The following FBXO31 variants were observed in gnomAD, a reference collection of about 807,000 sequenced individuals.
The protein encoded by FBXO31 is F-box protein 31, also known as F-box only protein 31.
Under a neutral mutation model 54.4 loss-of-function variants are expected in FBXO31, and 24 were observed. The observed-to-expected ratio is 0.44, with a 90% CI of 0.32 to 0.62. The LOEUF is 0.62. FBXO31 is among the 20% of genes least tolerant of loss of function. The pLI is 0.05. For synonymous variants in FBXO31, 388 were observed against 335.6 expected (o/e 1.16, Z -1.71); for missense variants, 665 against 787.1 (o/e 0.84, Z 1.86).
Position 87,336,119 on chromosome 16 carries a change from A to G in FBXO31, c.842+36T>C. 6.4e-7 allele frequency: 1 copy of G among 1,572,146 alleles called. No homozygotes were observed. Among genetic ancestry groups the G allele is most frequent in the Non-Finnish European group, 8.7e-7 (1 of 1,143,238 alleles). On this transcript the variant is annotated intron_variant, in intron 6 of 8. Transcript: ENST00000311635. This position sits in a 1 kb window ranked among gnomAD's most constrained non-coding sequence, Gnocchi z 6.5. Reference sequence around the variant, plus strand: ...GCTGGTCCCCAGCACACACCAGGAGAGGGCTACCCCAGCACCGAGCAGGAG... The same window carrying G: ...GCTGGTCCCCAGCACACACCAGGAGGGGGCTACCCCAGCACCGAGCAGGAG...
At chr16:87,355,419 C>T (rs1226316962) in intron 2 of FBXO31, among the ~76,000 whole-genome samples, 1 of 152,194 alleles carries the variant, frequency 6.6e-6, no homozygotes, top group Non-Finnish European at 1.5e-5. Flanking sequence ...ATACTGAAAA[C>T]CCACACATCA....
At chr16:87,387,810 GAAAA>G (rs966698190), upstream of FBXO31, among the ~76,000 whole-genome samples, 12 of 151,878 alleles carry the variant, frequency 7.9e-5, no homozygotes, top group African/African-American at 2.9e-4. Context: ...GCGACAGAGA[GAAAA>G]AAAAGAAAGA....
chr16:87,338,105 G>C lies in FBXO31; in HGVS notation c.733-1841C>G, dbSNP rs1348228046. Among the ~76,000 whole-genome samples the C allele has an allele frequency of 3.3e-5, 5 of 152,250 alleles. No individual in the cohort carries two copies. ...ACCATCAGGAAGATGAGCATGTGTAGCCATGACCTCGCTTTACATAAAGAG... is the reference window on the plus strand; with the variant it reads ...ACCATCAGGAAGATGAGCATGTGTACCCATGACCTCGCTTTACATAAAGAG... On this transcript the variant is annotated intron_variant, in intron 5 of 8. Coordinates refer to ENST00000311635, the MANE Select transcript of FBXO31 (RefSeq NM_024735.5). This position sits in a 1 kb window ranked among gnomAD's most constrained non-coding sequence, Gnocchi z 4.3.
chr16:87,365,028 T>TATATATATATAG (rs1906301962), intron 1 of FBXO31, among the ~76,000 whole-genome samples: 1 of 106,764 alleles, frequency 9.4e-6, no homozygotes, highest in South Asian at 3.3e-4. Flanking sequence ...TATATATATA[T>TATATATATATAG]ATATATATAT....
chr16:87,361,172 C>T (rs1160936681), intron 1 of FBXO31, among the ~76,000 whole-genome samples: 2 of 152,226 alleles, frequency 1.3e-5, no homozygotes, highest in Admixed American at 6.5e-5. Context: ...GAGCTTTCCA[C>T]GTGCTGTGTA....
chr16:87,374,769 T>C (rs550012795), intron 1 of FBXO31, among the ~76,000 whole-genome samples: 34 of 152,186 alleles, frequency 2.2e-4, no homozygotes, highest in Non-Finnish European at 3.7e-4. Flanking sequence ...AGTACGCGCC[T>C]GAGTCATTCC....
chr16:87,351,056 G>T (rs1399884163), intron 2 of FBXO31, among the ~76,000 whole-genome samples: 1 of 152,230 alleles, frequency 6.6e-6, no homozygotes, highest in African/African-American at 2.4e-5. Flanking sequence ...CATCCCAAGA[G>T]ATGAGTCAGA....
upstream of FBXO31, among the ~76,000 whole-genome samples, chr16:87,387,606 G>C (rs1907368012): frequency 6.6e-6 from 1 of 152,182 alleles, no homozygotes; most frequent in Non-Finnish European, 1.5e-5. Context: ...GTCAGATCGA[G>C]ACCATCCTGG....
At chr16:87,382,967 G>C (rs1002088642) in intron 1 of FBXO31, among the ~76,000 whole-genome samples, 5 of 152,112 alleles carry the variant, frequency 3.3e-5, no homozygotes, top group African/African-American at 1.2e-4. Context: ...CTCGTCTCTG[G>C]TCAGGGCCAG....
chr16:87,360,890 G>A (rs1398558195), intron 1 of FBXO31, among the ~76,000 whole-genome samples: 1 of 152,148 alleles, frequency 6.6e-6, no homozygotes, highest in African/African-American at 2.4e-5. Context: ...GGCTAGGCTT[G>A]GCCAGGGCCC....
At chr16:87,364,469 C>G (rs1329145659) in intron 1 of FBXO31, among the ~76,000 whole-genome samples, 2 of 152,220 alleles carry the variant, frequency 1.3e-5, no homozygotes, top group Non-Finnish European at 2.9e-5. Flanking sequence ...GCCGACTCTT[C>G]TCCATTCCAG....
intron 5 of FBXO31, among the ~76,000 whole-genome samples, chr16:87,340,146 G>C (rs1470746023): frequency 6.6e-6 from 1 of 152,204 alleles, no homozygotes; most frequent in Non-Finnish European, 1.5e-5. Flanking sequence ...AGGCAGGCAT[G>C]GTGGCAGGCG....
intron 1 of FBXO31, among the ~76,000 whole-genome samples, chr16:87,371,768 G>A (rs1055864687): frequency 1.3e-5 from 2 of 152,260 alleles, no homozygotes; most frequent in African/African-American, 4.8e-5. Flanking sequence ...CAGTGAGCGC[G>A]CAGCGCCAGG....
At chr16:87,389,269 T>C (rs1339089080) in intron 1 of FBXO31, among the ~76,000 whole-genome samples, 1 of 152,180 alleles carries the variant, frequency 6.6e-6, no homozygotes, top group East Asian at 1.9e-4. Context: ...CATGGAAGGA[T>C]ATGTGGCTTT....
At position 87,343,057 on chromosome 16, in the gene FBXO31, C is replaced by G. The variant is rs905596638; in HGVS notation, c.658-106G>C. 7.6e-6 allele frequency: 7 copies of G among 915,986 alleles called. No homozygotes were observed. In the African/African-American group the frequency reaches 1.2e-4, roughly 15 times the overall value. 56.7% of individuals were successfully genotyped at this position (915,986 alleles called of 1,614,324 possible). A position where few individuals can be genotyped will look rare whatever the true frequency, so the allele number is the denominator to read the frequency against. The stretch of plus-strand genomic sequence containing the variant: ...ACGACCCCTCCCTCACCACACCCAC[C>G]AAACCCCACTGCAGGCACCCAAGAT... On this transcript the variant is annotated intron_variant, in intron 4 of 8. Transcript: ENST00000311635.
intron 1 of FBXO31, among the ~76,000 whole-genome samples, chr16:87,378,983 A>T (rs1364895763): frequency 6.6e-6 from 1 of 151,930 alleles, no homozygotes; most frequent in Non-Finnish European, 1.5e-5. Context: ...AAAACAAAAT[A>T]TATAGATATA....
At chr16:87,364,794 G>A (rs1404698183) in intron 1 of FBXO31, among the ~76,000 whole-genome samples, 1 of 151,446 alleles carries the variant, frequency 6.6e-6, no homozygotes, top group African/African-American at 2.4e-5. Context: ...GGCCAGGGCA[G>A]GCGGATTACC....
upstream of FBXO31, among the ~76,000 whole-genome samples, chr16:87,387,302 C>T (rs1907356436): frequency 1.3e-5 from 2 of 152,082 alleles, no homozygotes; most frequent in Non-Finnish European, 2.9e-5. Flanking sequence ...AGAAATGTAT[C>T]CTTTAAAGAA....
chr16:87,379,123 T>C (rs1243209284), intron 1 of FBXO31, among the ~76,000 whole-genome samples: 1 of 152,058 alleles, frequency 6.6e-6, no homozygotes, highest in African/African-American at 2.4e-5. Flanking sequence ...CATACCCTTT[T>C]GTTTTGTTTT....
Sources: allele counts gnomAD v4.1 joint callset (sites outside exome capture counted in the v4.1 genomes callset), GRCh38; gene constraint gnomAD v4.1.1; non-coding constraint Gnocchi (gnomAD v3.1); transcripts MANE v1.5; gene names NCBI Gene and HGNC (gene_info 2026-07-23, HGNC 2026-07-21).